The following RBM25 variants were observed in gnomAD, a reference collection of about 807,000 sequenced individuals.
RBM25 encodes RNA-binding protein 25.
Under a neutral mutation model 120.7 loss-of-function variants are expected in RBM25, and 19 were observed. That is an observed-to-expected ratio of 0.16 (90% CI 0.11 to 0.23). The LOEUF is 0.23. Ranked by LOEUF, RBM25 falls within the 10% of genes least tolerant of loss-of-function variation. The probability of loss-of-function intolerance (pLI) is 1.00; values close to 1 mark genes in which losing one functional copy is unlikely to be tolerated. For missense variants in RBM25, 605 were observed against 1,041.5 expected (o/e 0.58, Z 5.77); for synonymous variants, 390 against 326.7 (o/e 1.19, Z -2.09).
At chr14:73,096,613 A>G (rs1895947220) in intron 6 of RBM25, among the ~76,000 whole-genome samples, 1 of 152,232 alleles carries the variant, frequency 6.6e-6, no homozygotes, top group Non-Finnish European at 1.5e-5. Context: ...CCTATTGAGC[A>G]AAACAGTCTG....
intron 2 of RBM25, among the ~76,000 whole-genome samples, chr14:73,073,121 G>A (rs778365832): frequency 2.0e-5 from 3 of 152,008 alleles, no homozygotes; most frequent in Non-Finnish European, 4.4e-5. Flanking sequence ...AAAGATGGGG[G>A]TCTCACCATC....
chr14:73,065,442 T>G (rs545972764), intron 1 of RBM25, among the ~76,000 whole-genome samples: 209 of 150,354 alleles, frequency 1.4e-3, no homozygotes, highest in Non-Finnish European at 2.7e-3. Flanking sequence ...TTTTTTTTTT[T>G]TGAAACTGAG....
At chr14:73,095,268 G>T (rs543189038) in intron 6 of RBM25, among the ~76,000 whole-genome samples, 1 of 152,200 alleles carries the variant, frequency 6.6e-6, no homozygotes, top group South Asian at 2.1e-4. Flanking sequence ...TTTCAATTTG[G>T]ATTTTATTCC....
chr14:73,106,163 A>T, intron 11 of RBM25, 33 bp from the exon 12 acceptor site: 1 of 1,577,384 alleles, frequency 6.3e-7, no homozygotes, highest in African/African-American at 1.4e-5. Flanking sequence ...CTATGTATAA[A>T]TTTTTAAAGC....
intron 14 of RBM25, among the ~76,000 whole-genome samples, chr14:73,110,497 A>C (rs1342269857): frequency 6.6e-6 from 1 of 150,628 alleles, no homozygotes; most frequent in Admixed American, 6.6e-5. Flanking sequence ...CGATTCTGCA[A>C]GGCTCACTGC....
Position 73,110,822 on chromosome 14 carries a change from G to T in RBM25, c.1693-9G>T. On this transcript the variant is annotated splice_polypyrimidine_tract_variant and intron_variant, in intron 14 of 18. Transcript: ENST00000261973. The stretch of plus-strand genomic sequence containing the variant: ...GTTGTAGTTAATCAGATTATTGTTT[G>T]GGTTTTAGATGGAACAAGAGGCTGA... 1 of 1,592,370 alleles carries T rather than the reference G, an allele frequency of 6.3e-7. No homozygotes were observed.
At chr14:73,107,379 CT>C (rs140848622) in intron 12 of RBM25, 7,816 of 153,252 alleles carry the variant, frequency 0.051, 421 homozygotes, top group African/African-American at 0.14. Context: ...CAAGAAAAAT[CT>C]TTTTTTTAAC....
chr14:73,106,980 C>T (rs999722614), intron 12 of RBM25, among the ~76,000 whole-genome samples: 3 of 151,966 alleles, frequency 2.0e-5, no homozygotes, highest in African/African-American at 7.3e-5. Flanking sequence ...GCTGGGATTA[C>T]AGGCGTGTGC....
intron 13 of RBM25, among the ~76,000 whole-genome samples, chr14:73,108,336 T>C (rs541296979): frequency 6.6e-6 from 1 of 152,342 alleles, no homozygotes; most frequent in African/African-American, 2.4e-5. Flanking sequence ...AGGTGTGGGC[T>C]ACCACACCTG....
intron 18 of RBM25, 67 bp downstream of exon 18, chr14:73,114,400 A>C (rs980870222): frequency 9.1e-6 from 11 of 1,204,052 alleles, no homozygotes; most frequent in Non-Finnish European, 1.3e-5. Context: ...TTTTTGTCTT[A>C]AAATATAGAT....
intron 2 of RBM25, 62 bp downstream of exon 2, chr14:73,071,809 T>G (rs1895300254): frequency 3.8e-6 from 5 of 1,328,080 alleles, no homozygotes; most frequent in Non-Finnish European, 4.3e-6. Flanking sequence ...TGATACTAAC[T>G]TCAGGAAAAT....
chr14:73,087,333 GTTCT>G (rs147178624), intron 5 of RBM25, among the ~76,000 whole-genome samples: 25,296 of 150,964 alleles, frequency 0.17, 2,293 homozygotes, highest in South Asian at 0.25. Context: ...CCTGCAGTCT[GTTCT>G]TTCTTGTGGC....
Position 73,123,824 on chromosome 14 carries a change from A to T in RBM25, c.*4019A>T, listed in dbSNP as rs1472266336. 4 of 152,210 alleles carry T rather than the reference A, an allele frequency of 2.6e-5. No homozygotes were observed. Among genetic ancestry groups the T allele is most frequent in the Non-Finnish European group, 5.9e-5 (4 of 68,036 alleles). The allele number at this position is 152,210 out of a possible 1,614,324, so 9.4% of individuals were successfully genotyped here. On this transcript the variant is annotated 3_prime_UTR_variant, in exon 19 of 19. Transcript: ENST00000261973. ...AAATTAAAGAATGGCAGTCTAAAATACCCAGGTAAAGAAGATAATTTCTAG... is the reference window on the plus strand; with the variant it reads ...AAATTAAAGAATGGCAGTCTAAAATTCCCAGGTAAAGAAGATAATTTCTAG...
At chr14:73,099,486 ATT>A in intron 8 of RBM25, 53 bp downstream of exon 8, 1 of 1,593,768 alleles carries the variant, frequency 6.3e-7, no homozygotes, top group East Asian at 2.2e-5. Context: ...CTGATTGTTG[ATT>A]TGTCATTCTT....
chr14:73,119,561 G>A (rs1475548828), intron 18 of RBM25, 152 bp from the exon 19 acceptor site: 21 of 1,367,068 alleles, frequency 1.5e-5, no homozygotes, highest in Admixed American at 5.7e-5. Context: ...CACCACACCC[G>A]GCCACTAAAA....
intron 3 of RBM25, among the ~76,000 whole-genome samples, chr14:73,076,944 G>C (rs928747433): frequency 6.6e-6 from 1 of 152,222 alleles, no homozygotes; most frequent in African/African-American, 2.4e-5. Context: ...ATCTAGGCTT[G>C]GTGGTGCGCG....
intron 2 of RBM25, among the ~76,000 whole-genome samples, chr14:73,075,668 C>G (rs1895400054): frequency 6.6e-6 from 1 of 152,150 alleles, no homozygotes; most frequent in African/African-American, 2.4e-5. Context: ...TGGTGTATTA[C>G]TTTACATACT....
intron 10 of RBM25, among the ~76,000 whole-genome samples, chr14:73,103,899 CTG>C: frequency 1.1e-5 from 1 of 92,868 alleles, no homozygotes; most frequent in Admixed American, 1.2e-4. Flanking sequence ...GTCTGTCTGT[CTG>C]TCTGTCTCTC....
intron 1 of RBM25, among the ~76,000 whole-genome samples, chr14:73,070,099 C>T (rs1256722453): frequency 2.6e-5 from 4 of 151,730 alleles, no homozygotes; most frequent in East Asian, 1.9e-4. Flanking sequence ...CTTCCCACCC[C>T]GAGACAGAGT....
Sources: allele counts gnomAD v4.1 joint callset (sites outside exome capture counted in the v4.1 genomes callset), GRCh38; gene constraint gnomAD v4.1.1; transcripts MANE v1.5; gene names NCBI Gene and HGNC (gene_info 2026-07-23, HGNC 2026-07-21).